The following APBB2 variants were observed in gnomAD, a reference collection of about 807,000 sequenced individuals.
The protein encoded by APBB2 is Fe65-like 1.
Under a neutral mutation model 82.5 loss-of-function variants are expected in APBB2, and 38 were observed. The observed-to-expected ratio is 0.46, with a 90% CI of 0.36 to 0.60. The LOEUF (loss-of-function observed/expected upper bound fraction) is 0.60. Among genes scored for constraint, APBB2 ranks in the 20% least tolerant of loss-of-function variants. The probability of loss-of-function intolerance (pLI) is 0.00; values close to 1 mark genes in which losing one functional copy is unlikely to be tolerated. For missense variants in APBB2, 772 were observed against 972.3 expected (o/e 0.79, Z 2.74); for synonymous variants, 341 against 368.2 (o/e 0.93, Z 0.85).
At chr4:41,134,421 T>A (rs939831980) in intron 2 of APBB2, among the ~76,000 whole-genome samples, 1 of 151,926 alleles carries the variant, frequency 6.6e-6, no homozygotes, top group African/African-American at 2.4e-5. Flanking sequence ...CTACTAAAAA[T>A]ACAAAAAAAA....
intron 6 of APBB2, among the ~76,000 whole-genome samples, chr4:40,966,759 G>A (rs1400070363): frequency 6.6e-6 from 1 of 152,196 alleles, no homozygotes; most frequent in South Asian, 2.1e-4. Context: ...CTGAGGGGAG[G>A]TTAAGGGTGG....
At chr4:40,974,784 A>G (rs978607134) in intron 6 of APBB2, among the ~76,000 whole-genome samples, 2 of 152,246 alleles carry the variant, frequency 1.3e-5, no homozygotes, top group Non-Finnish European at 2.9e-5. Context: ...AGAATGGCAT[A>G]CAGTCGCTGC....
chr4:41,152,564 G>A (rs112434955), intron 1 of APBB2, among the ~76,000 whole-genome samples: 1 of 151,976 alleles, frequency 6.6e-6, no homozygotes, highest in Non-Finnish European at 1.5e-5. Context: ...TCCTGACCTC[G>A]TGATCTACCC....
intron 5 of APBB2, among the ~76,000 whole-genome samples, chr4:41,029,547 G>A (rs139800377): frequency 6.6e-6 from 1 of 152,272 alleles, no homozygotes; most frequent in East Asian, 1.9e-4. Flanking sequence ...GACTCACTCT[G>A]TTCAATGTTT....
At chr4:40,972,433 A>AT (rs1490124606) in intron 6 of APBB2, among the ~76,000 whole-genome samples, 1,777 of 138,230 alleles carry the variant, frequency 0.013, 40 homozygotes, top group African/African-American at 0.045. Context: ...ATCTCAAAAA[A>AT]AAAAAAAATA....
chr4:41,168,205 C>T (rs1372593371), intron 1 of APBB2, among the ~76,000 whole-genome samples: 2 of 52,202 alleles, frequency 3.8e-5, no homozygotes, highest in East Asian at 8.1e-4. Flanking sequence ...GGAGGCGGAG[C>T]CTGCAGTGAG....
intron 1 of APBB2, among the ~76,000 whole-genome samples, chr4:41,213,824 T>C (rs1309124725): frequency 6.6e-6 from 1 of 152,186 alleles, no homozygotes; most frequent in Non-Finnish European, 1.5e-5. Flanking sequence ...TTCCCCCCTT[T>C]CATGTCTCAT....
chr4:41,036,463 A>G (rs867753517), intron 4 of APBB2, among the ~76,000 whole-genome samples: 23 of 152,220 alleles, frequency 1.5e-4, no homozygotes, highest in African/African-American at 5.3e-4. Context: ...TATTTACTCC[A>G]TACCTGCCAT....
chr4:41,051,224 A>G (rs1472171769), intron 4 of APBB2, among the ~76,000 whole-genome samples: 2 of 152,176 alleles, frequency 1.3e-5, no homozygotes, highest in African/African-American at 4.8e-5. Flanking sequence ...ACAAGCCACC[A>G]TAGAATTCTA....
At chr4:40,938,701 G>A (rs1786016161) in intron 7 of APBB2, among the ~76,000 whole-genome samples, 1 of 152,178 alleles carries the variant, frequency 6.6e-6, no homozygotes, top group African/African-American at 2.4e-5. Flanking sequence ...CAAGAGTGGA[G>A]GGTTGAACCT....
chr4:41,197,209 C>T, intron 1 of APBB2, among the ~76,000 whole-genome samples: 1 of 152,058 alleles, frequency 6.6e-6, no homozygotes, highest in Non-Finnish European at 1.5e-5. Flanking sequence ...GAACAATATG[C>T]ATGTTATTTT....
chr4:41,054,546 C>T (rs1727164042), intron 4 of APBB2, among the ~76,000 whole-genome samples: 1 of 152,158 alleles, frequency 6.6e-6, no homozygotes, highest in Non-Finnish European at 1.5e-5. Flanking sequence ...AGGAGAAAAT[C>T]ATCCAATGAA....
intron 2 of APBB2, among the ~76,000 whole-genome samples, chr4:41,129,550 G>A (rs1755372004): frequency 6.6e-6 from 1 of 152,174 alleles, no homozygotes; most frequent in Non-Finnish European, 1.5e-5. Flanking sequence ...AACAGGCTTT[G>A]TTCTCCTGCT....
At position 40,830,590 on chromosome 4, in the gene APBB2, AATGT is replaced by A. The variant is rs1751535535; in HGVS notation, c.1530-17_1530-14del. The A allele has an allele frequency of 6.7e-7, 1 of 1,502,720 alleles. No homozygotes were observed. Among genetic ancestry groups the A allele is most frequent in the Admixed American group, 1.7e-5 (1 of 59,852 alleles). 93.1% of individuals were successfully genotyped at this position (1,502,720 alleles called of 1,614,324 possible). A position where few individuals can be genotyped will look rare whatever the true frequency, so the allele number is the denominator to read the frequency against. The stretch of plus-strand genomic sequence containing the variant: ...ATAAGCAAAATCCCTGTGCAAGCAA[AATGT>A]ATCAGTCCATTAGTAAGAGAAGCTG... On this transcript the variant is annotated splice_polypyrimidine_tract_variant and intron_variant, in intron 12 of 17. Transcript: ENST00000508593.
chr4:40,865,479 C>G (rs1763832587), intron 12 of APBB2, among the ~76,000 whole-genome samples: 1 of 152,196 alleles, frequency 6.6e-6, no homozygotes, highest in African/African-American at 2.4e-5. Flanking sequence ...TCCCTCACTG[C>G]CAGTCCACCA....
intron 2 of APBB2, among the ~76,000 whole-genome samples, chr4:41,111,453 G>T (rs909552314): frequency 6.6e-6 from 1 of 152,216 alleles, no homozygotes; most frequent in South Asian, 2.1e-4. Flanking sequence ...ATTCTTTGGA[G>T]TAGCAAAAAG....
intron 6 of APBB2, among the ~76,000 whole-genome samples, chr4:40,957,832 C>T (rs1578745831): frequency 6.6e-6 from 1 of 152,174 alleles, no homozygotes; most frequent in East Asian, 1.9e-4. Context: ...GATCTGCCAG[C>T]TTTGGCCTCC....
At chr4:41,022,627 A>G (rs939015798) in intron 5 of APBB2, among the ~76,000 whole-genome samples, 6 of 152,204 alleles carry the variant, frequency 3.9e-5, no homozygotes, top group African/African-American at 1.4e-4. Flanking sequence ...ATGCTGTTTT[A>G]CTTTTACTAT....
At position 40,982,234 on chromosome 4, in the gene APBB2, G is replaced by GA. The variant is rs1471793959; in HGVS notation, c.835+31348dup. ...AAAGAAAAGAAAGGAAAGAAAGAAA[G>GA]AAAGAAAGAAAGAAAGAAAGAAAGA... On this transcript the variant is annotated intron_variant, in intron 6 of 17. Coordinates refer to ENST00000508593, the MANE Select transcript of APBB2 (RefSeq NM_004307.2). Among the ~76,000 whole-genome samples the GA allele has an allele frequency of 3.1e-3, 13 of 4,262 alleles. 1 individual carries two copies. Among genetic ancestry groups the GA allele is most frequent in the African/African-American group, 7.4e-3 (11 of 1,488 alleles). The allele number at this position is 4,262 out of a possible 152,430, so 2.8% of individuals were successfully genotyped here. A position where few individuals can be genotyped will look rare whatever the true frequency, so the allele number is the denominator to read the frequency against.
Sources: gnomAD v4.1 joint callset for allele counts (sites outside exome capture counted in the v4.1 genomes callset) on GRCh38, gnomAD v4.1.1 for gene constraint, MANE v1.5 for transcripts, NCBI Gene and HGNC (gene_info 2026-07-23, HGNC 2026-07-21) for gene names.